The following KDM4B variants were observed in gnomAD, a reference collection of about 807,000 sequenced individuals.
The protein encoded by KDM4B is lysine-specific demethylase 4B.
A neutral mutation model predicts 125.2 loss-of-function variants in KDM4B; 32 were observed. That is an observed-to-expected ratio of 0.26 (90% CI 0.19 to 0.34). KDM4B has a LOEUF of 0.34. Among genes scored for constraint, KDM4B ranks in the 10% least tolerant of loss-of-function variants. The pLI is 1.00. For missense variants in KDM4B, 1,190 were observed against 1,577.7 expected, an observed-to-expected ratio of 0.75 and a Z score of 4.16; for synonymous variants, 721 against 677.9, an observed-to-expected ratio of 1.06 and a Z score of -0.99.
At chr19:5,092,819 C>A (rs912575383) in intron 9 of KDM4B, among the ~76,000 whole-genome samples, 2 of 152,204 alleles carry the variant, frequency 1.3e-5, no homozygotes, top group Non-Finnish European at 2.9e-5. Context: ...TCTGCCATCT[C>A]AGGGCATCCC....
intron 2 of KDM4B, among the ~76,000 whole-genome samples, chr19:5,019,963 A>AGTGTGCAGGTGTTGGTGTGGATGTTG (rs2036050000): frequency 3.9e-5 from 1 of 25,436 alleles, no homozygotes; most frequent in Non-Finnish European, 7.9e-5. Context: ...TGCAGGTGTT[A>AGTGTGCAGGTGTTGGTGTGGATGTTG]GTGTGCAGGT....
At chr19:5,103,499 G>T (rs907688875) in intron 9 of KDM4B, among the ~76,000 whole-genome samples, 7 of 152,174 alleles carry the variant, frequency 4.6e-5, no homozygotes, top group African/African-American at 9.7e-5. Flanking sequence ...GTCTTCAGGG[G>T]CAGGTGACGG....
In KDM4B at chr19:5,087,201, G is replaced by T. The variant is rs951763596; in HGVS notation, c.918+4697G>T. 2.0e-5 allele frequency among the ~76,000 whole-genome samples: 3 copies of T among 152,386 alleles called. No homozygotes were observed. In the East Asian group the frequency reaches 5.8e-4, roughly 29 times the overall value. ...ACACGGAGGCCATTGTCAAGGAGGG[G>T]GTGGGATTTATTCCCGTGGGTGTCT... On this transcript the variant is annotated intron_variant, in intron 9 of 22. Coordinates refer to ENST00000159111, the MANE Select transcript of KDM4B (RefSeq NM_015015.3).
intron 2 of KDM4B, among the ~76,000 whole-genome samples, chr19:5,031,281 G>A (rs569424444): frequency 7.2e-5 from 11 of 152,350 alleles, no homozygotes; most frequent in South Asian, 2.1e-4. Context: ...GGGAGGCCCC[G>A]CGCAGTCAGA....
intron 9 of KDM4B, among the ~76,000 whole-genome samples, chr19:5,107,779 C>T (rs1451621823): frequency 6.6e-6 from 1 of 152,228 alleles, no homozygotes; most frequent in Non-Finnish European, 1.5e-5. Context: ...TAGCGGGTTT[C>T]TCTCCCACAC....
At chr19:5,099,384 T>C (rs1319180424) in intron 9 of KDM4B, among the ~76,000 whole-genome samples, 1 of 152,130 alleles carries the variant, frequency 6.6e-6, no homozygotes, top group Non-Finnish European at 1.5e-5. Flanking sequence ...TTATATACCA[T>C]AGGGAAGGGT....
Position 5,109,759 on chromosome 19 carries a change from GCCTGTGGGCCA to G in KDM4B, c.919-860_919-850del, listed in dbSNP as rs910950347. On this transcript the variant is annotated intron_variant, in intron 9 of 22. Transcript: ENST00000159111. The stretch of plus-strand genomic sequence containing the variant: ...AGGCAGTCAGGTGAGGCGTGCGGGA[GCCTGTGGGCCA>G]CCGTCGCCCTCGTGAGGCCTCCTGA... Among the ~76,000 whole-genome samples, 79 of 152,328 alleles carry G rather than the reference GCCTGTGGGCCA, an allele frequency of 5.2e-4. 1 individual carries two copies. The highest frequency in any genetic ancestry group is 1.9e-3 in the African/African-American group (78 of 41,570).
At position 5,032,874 on chromosome 19, in the gene KDM4B, C is replaced by T. The variant is rs2036502919; in HGVS notation, c.-17C>T. 1 of 1,613,432 alleles carries T rather than the reference C, an allele frequency of 6.2e-7. No individual in the cohort carries two copies. On this transcript the variant is annotated 5_prime_UTR_variant, in exon 3 of 23. Transcript: ENST00000159111. ...CTCGTCTTCCTCCACAGGTGTGCTTCCCGCACAGCTGCAGCCATGGGGTCT... is the reference window on the plus strand; with the variant it reads ...CTCGTCTTCCTCCACAGGTGTGCTTTCCGCACAGCTGCAGCCATGGGGTCT...
At chr19:5,102,652 C>T (rs929375947) in intron 9 of KDM4B, among the ~76,000 whole-genome samples, 3 of 152,144 alleles carry the variant, frequency 2.0e-5, no homozygotes, top group African/African-American at 2.4e-5. Flanking sequence ...AGCAGGGAAT[C>T]GAGGCCCCGG....
At chr19:5,146,963 CAAA>C (rs754144979) in intron 21 of KDM4B, among the ~76,000 whole-genome samples, 8 of 66,544 alleles carry the variant, frequency 1.2e-4, no homozygotes, top group Non-Finnish European at 1.9e-4. Flanking sequence ...AAAAAAAAAA[CAAA>C]AACTCTGCTG....
intron 1 of KDM4B, among the ~76,000 whole-genome samples, chr19:5,002,345 G>C (rs1176172811): frequency 1.3e-5 from 2 of 151,658 alleles, no homozygotes; most frequent in African/African-American, 4.8e-5. Flanking sequence ...TTTGTTATTG[G>C]TGTTTGGTTT....
At chr19:5,150,705 C>T (rs554042159) in intron 22 of KDM4B, among the ~76,000 whole-genome samples, 120 of 152,272 alleles carry the variant, frequency 7.9e-4, no homozygotes, top group African/African-American at 2.8e-3. Flanking sequence ...GGAGAAGCCC[C>T]GCCCCTCCCC....
intron 10 of KDM4B, chr19:5,119,099 C>A: frequency 1.4e-6 from 2 of 1,478,768 alleles, no homozygotes. Context: ...AGAAAAAACC[C>A]GTGAAATTTA....
intron 1 of KDM4B, among the ~76,000 whole-genome samples, chr19:5,012,252 T>A (rs532779809): frequency 6.6e-6 from 1 of 152,206 alleles, no homozygotes; most frequent in Admixed American, 6.5e-5. Context: ...AGTTTTAGAT[T>A]TACAGAGAAT....
In KDM4B at chr19:5,141,456, C is replaced by T. The variant is rs1599265745; in HGVS notation, c.2551-2511C>T. On this transcript the variant is annotated intron_variant, in intron 18 of 22. Transcript: ENST00000159111. The surrounding 1 kb of genome is among the most constrained non-coding windows in gnomAD (Gnocchi z 6.4). ...ATCTGACATTTCCAGAACGCAGCCT[C>T]TTCATTACCGGTGCTTGTAACGATG... The T allele has an allele frequency of 6.6e-6, 1 of 152,374 alleles. No homozygotes were observed. The highest frequency in any genetic ancestry group is 2.1e-4 in the South Asian group (1 of 4,834). The allele number at this position is 152,374 out of a possible 1,614,324, so 9.4% of individuals were successfully genotyped here. A position where few individuals can be genotyped will look rare whatever the true frequency, so the allele number is the denominator to read the frequency against.
In KDM4B at chr19:5,152,667, TAGAGAAAAAACGGCCTTC is replaced by T. The variant is rs1279078508; in HGVS notation, c.*1159_*1176del. On this transcript the variant is annotated 3_prime_UTR_variant, in exon 23 of 23. Coordinates refer to ENST00000159111, the MANE Select transcript of KDM4B (RefSeq NM_015015.3). ...GCTTCTTAGGAGTGGGTTGAGCTGA[TAGAGAAAAAACGGCCTTC>T]AGCCCAGGCTGGGAAGCGCCTTCTC... is the stretch of plus-strand genomic sequence containing the variant. 1 of 152,206 alleles carries T rather than the reference TAGAGAAAAAACGGCCTTC, an allele frequency of 6.6e-6. No homozygotes were observed. The highest frequency in any genetic ancestry group is 1.5e-5 in the Non-Finnish European group (1 of 68,042). The allele number at this position is 152,206 out of a possible 1,614,324, so 9.4% of individuals were successfully genotyped here.
chr19:5,131,806 CCGAGCCCCTGTGTGGCTCCGAG>C, intron 12 of KDM4B, 59 bp from the exon 13 acceptor site: 1 of 1,585,942 alleles, frequency 6.3e-7, no homozygotes, highest in South Asian at 1.1e-5. Context: ...CTCAGGCACG[CCGAGCCCCTGTGTGGCTCCGAG>C]GGAGCCCCAC....
chr19:5,063,728 T>C (rs1277828884), intron 6 of KDM4B, among the ~76,000 whole-genome samples: 1 of 152,224 alleles, frequency 6.6e-6, no homozygotes, highest in Non-Finnish European at 1.5e-5. Context: ...TGAACAGCTT[T>C]GTTTGTGGTG....
At chr19:5,100,354 G>A (rs926272449) in intron 9 of KDM4B, among the ~76,000 whole-genome samples, 5 of 152,220 alleles carry the variant, frequency 3.3e-5, no homozygotes, top group African/African-American at 9.7e-5. Context: ...TTCAGAACTA[G>A]TGTTCCACTT....
Sources: allele counts gnomAD v4.1 joint callset (sites outside exome capture counted in the v4.1 genomes callset), GRCh38; gene constraint gnomAD v4.1.1; non-coding constraint Gnocchi (gnomAD v3.1); transcripts MANE v1.5; gene names NCBI Gene and HGNC (gene_info 2026-07-23, HGNC 2026-07-21).